RNF11: variants seen among roughly 807,000 people sequenced by gnomAD.
The protein encoded by RNF11 is ring finger protein 11.
A neutral mutation model predicts 15.8 loss-of-function variants in RNF11; 4 were observed. The observed-to-expected ratio is 0.25, with a 90% CI of 0.12 to 0.58. The LOEUF is 0.58. Ranked by LOEUF, RNF11 falls within the 20% of genes least tolerant of loss-of-function variation. The pLI is 0.91. For missense variants in RNF11, 139 were observed against 194.4 expected (o/e 0.71, Z 1.70); for synonymous variants, 68 against 72.3 (o/e 0.94, Z 0.30).
At chr1:51,239,219 A>G (rs942720340) in intron 1 of RNF11, among the ~76,000 whole-genome samples, 3 of 152,106 alleles carry the variant, frequency 2.0e-5, no homozygotes, top group Admixed American at 6.5e-5. Context: ...TATCCTTATG[A>G]TAATTGTACT....
At chr1:51,253,086 A>C (rs1160098875) in intron 1 of RNF11, among the ~76,000 whole-genome samples, 1 of 151,656 alleles carries the variant, frequency 6.6e-6, no homozygotes, top group African/African-American at 2.4e-5. Flanking sequence ...CTGCCTCCCA[A>C]CGTGCTGGGT....
At chr1:51,254,941 A>G (rs1480053708) in intron 1 of RNF11, among the ~76,000 whole-genome samples, 2 of 152,124 alleles carry the variant, frequency 1.3e-5, no homozygotes, top group African/African-American at 2.4e-5. Flanking sequence ...ACTCTGGGAG[A>G]AAAAAACATA....
At chr1:51,255,003 A>G (rs1305927277) in intron 1 of RNF11, among the ~76,000 whole-genome samples, 2 of 152,254 alleles carry the variant, frequency 1.3e-5, no homozygotes, top group African/African-American at 2.4e-5. Context: ...ATACTTGCAT[A>G]GAAAAGCAAT....
intron 1 of RNF11, among the ~76,000 whole-genome samples, chr1:51,241,270 T>C (rs986172971): frequency 2.0e-5 from 3 of 152,128 alleles, no homozygotes; most frequent in Non-Finnish European, 4.4e-5. Context: ...TTAAAAAAAA[T>C]TTATTTCCTT....
intron 1 of RNF11, chr1:51,251,072 G>A (rs974631018): frequency 1.6e-5 from 25 of 1,547,552 alleles, no homozygotes; most frequent in Admixed American, 6.8e-5. Flanking sequence ...CCAGACCGAC[G>A]TGGCCATTGT....
intron 1 of RNF11, among the ~76,000 whole-genome samples, chr1:51,244,245 G>A (rs1194545059): frequency 6.6e-6 from 1 of 152,356 alleles, no homozygotes; most frequent in Admixed American, 6.5e-5. Flanking sequence ...CTGTAAGAGT[G>A]TGCAATTGTA....
chr1:51,262,561 TG>T (rs1458107833), intron 1 of RNF11, among the ~76,000 whole-genome samples: 1 of 152,140 alleles, frequency 6.6e-6, no homozygotes, highest in Non-Finnish European at 1.5e-5. Flanking sequence ...TTTGTTTGTT[TG>T]TTTGAGACAG....
chr1:51,262,827 C>G (rs1557681922), intron 1 of RNF11, among the ~76,000 whole-genome samples: 1 of 149,780 alleles, frequency 6.7e-6, no homozygotes, highest in East Asian at 2.0e-4. Flanking sequence ...CTCAGCCTCT[C>G]GAAGAAAATA....
chr1:51,260,748 T>C (rs1361848415), intron 1 of RNF11, among the ~76,000 whole-genome samples: 2 of 152,146 alleles, frequency 1.3e-5, no homozygotes, highest in Non-Finnish European at 2.9e-5. Context: ...TACCTCTTCC[T>C]ACTTCTAATA....
At chr1:51,243,142 A>G (rs1646837583) in intron 1 of RNF11, among the ~76,000 whole-genome samples, 1 of 151,988 alleles carries the variant, frequency 6.6e-6, no homozygotes, top group Admixed American at 6.5e-5. Context: ...TGTTGCTTTA[A>G]CAGTTGTTTC....
At chr1:51,261,130 T>G (rs1395896369) in intron 1 of RNF11, among the ~76,000 whole-genome samples, 1 of 152,204 alleles carries the variant, frequency 6.6e-6, no homozygotes, top group Non-Finnish European at 1.5e-5. Flanking sequence ...GTTTCTCCCT[T>G]AAAACATGTT....
chr1:51,256,661 T>TTTG (rs112315189), intron 1 of RNF11, among the ~76,000 whole-genome samples: 2,466 of 152,068 alleles, frequency 0.016, 63 homozygotes, highest in African/African-American at 0.057. Context: ...GCATACCATT[T>TTTG]TTGTTGTTGT....
chr1:51,253,120 C>T (rs888371114), intron 1 of RNF11, among the ~76,000 whole-genome samples: 1 of 151,972 alleles, frequency 6.6e-6, no homozygotes, highest in Admixed American at 6.6e-5. Context: ...CCACCACGCC[C>T]GACGTTGTCC....
At chr1:51,267,659 G>T (rs550310975) in intron 1 of RNF11, among the ~76,000 whole-genome samples, 93 of 152,338 alleles carry the variant, frequency 6.1e-4, no homozygotes, top group African/African-American at 2.2e-3. Flanking sequence ...GATTCTCAGA[G>T]GGGAAGCAGG....
chr1:51,269,860 C>T, intron 1 of RNF11, 96 bp from the exon 2 acceptor site: 2 of 1,026,184 alleles, frequency 1.9e-6, no homozygotes, highest in Admixed American at 4.7e-5. Context: ...TCCTACCCCT[C>T]CCAGGGCTCC....
At chr1:51,264,288 ATATATATATAT>A (rs1346673627) in intron 1 of RNF11, among the ~76,000 whole-genome samples, 2 of 38,876 alleles carry the variant, frequency 5.1e-5, no homozygotes, top group African/African-American at 1.1e-4. Context: ...AAAAAAAAAA[ATATATATATAT>A]ATATATATAT....
intron 1 of RNF11, among the ~76,000 whole-genome samples, chr1:51,258,053 C>A (rs892167393): frequency 6.6e-6 from 1 of 151,644 alleles, no homozygotes; most frequent in Non-Finnish European, 1.5e-5. Flanking sequence ...GGAGTTTCAC[C>A]ATGTTGCCCA....
intron 1 of RNF11, among the ~76,000 whole-genome samples, chr1:51,252,645 C>T (rs1025494165): frequency 2.6e-5 from 4 of 151,926 alleles, no homozygotes; most frequent in Admixed American, 6.6e-5. Flanking sequence ...TGAAGGTTTG[C>T]GACTGCACTG....
intron 1 of RNF11, among the ~76,000 whole-genome samples, chr1:51,242,887 C>A (rs1287373752): frequency 6.6e-6 from 1 of 151,918 alleles, no homozygotes; most frequent in Non-Finnish European, 1.5e-5. Flanking sequence ...AAATTTATTT[C>A]ACGTATCTAG....
Sources: gnomAD v4.1 joint callset for allele counts (sites outside exome capture counted in the v4.1 genomes callset) on GRCh38, gnomAD v4.1.1 for gene constraint, MANE v1.5 for transcripts, NCBI Gene and HGNC (gene_info 2026-07-23, HGNC 2026-07-21) for gene names.